FABP6: variants seen among roughly 807,000 people sequenced by gnomAD.
The protein encoded by FABP6 is gastrotropin.
In FABP6, 13 loss-of-function variants were observed where a neutral mutation model predicts 14.9. That is an observed-to-expected ratio of 0.87 (90% CI 0.57 to 1.39). The LOEUF (loss-of-function observed/expected upper bound fraction) is 1.39, where lower values mean the gene tolerates loss of function less well. FABP6 is among the 40% of genes most tolerant of loss of function. FABP6 has a pLI of 0.00. For missense variants in FABP6, 161 were observed against 167.2 expected (o/e 0.96, Z 0.20); for synonymous variants, 75 against 63.6 (o/e 1.18, Z -0.85).
intron 1 of FABP6, among the ~76,000 whole-genome samples, chr5:160,193,912 GGC>G (rs2113057628): frequency 7.4e-6 from 1 of 135,402 alleles, no homozygotes; most frequent in South Asian, 2.2e-4. Context: ...TCAGCCCTTG[GGC>G]GGTCGATGGG....
At chr5:160,208,129 G>A (rs1221380720) in intron 2 of FABP6, among the ~76,000 whole-genome samples, 1 of 152,082 alleles carries the variant, frequency 6.6e-6, no homozygotes, top group Non-Finnish European at 1.5e-5. Flanking sequence ...ATCATCAGAA[G>A]AAAATGATTT....
At chr5:160,215,990 T>G (rs1760005141) in intron 3 of FABP6, among the ~76,000 whole-genome samples, 1 of 152,066 alleles carries the variant, frequency 6.6e-6, no homozygotes, top group Admixed American at 6.6e-5. Context: ...TGCTTTCTTG[T>G]GTGTAAGGAT....
In FABP6 at chr5:160,212,026, C is replaced by A. The variant is rs181406927; in HGVS notation, c.52-1710C>A. The stretch of plus-strand genomic sequence containing the variant: ...TTTTGAGATGCAGTCTCCCTCTTAT[C>A]GCCCAGGCTGTAGTGCAATGGTGTG... On this transcript the variant is annotated intron_variant, in intron 2 of 6. Coordinates refer to the FABP6 transcript ENST00000393980. Among the ~76,000 whole-genome samples, 538 of 144,396 alleles carry A rather than the reference C, an allele frequency of 3.7e-3. 16 individuals are homozygous for A. Among genetic ancestry groups the A allele is most frequent in the Non-Finnish European group, 8.8e-4 (59 of 66,834 alleles). The allele number at this position is 144,396 out of a possible 152,430, so 94.7% of individuals were successfully genotyped here. A position where few individuals can be genotyped will look rare whatever the true frequency, so the allele number is the denominator to read the frequency against.
intron 2 of FABP6, among the ~76,000 whole-genome samples, chr5:160,203,629 C>CT (rs1759694285): frequency 1.3e-5 from 2 of 152,068 alleles, no homozygotes; most frequent in African/African-American, 4.8e-5. Context: ...ACCCAAGTAG[C>CT]TGGGATTATG....
chr5:160,227,702 A>G (rs142591089), upstream of FABP6, among the ~76,000 whole-genome samples: 304 of 151,872 alleles, frequency 2.0e-3, 1 homozygote, highest in African/African-American at 7.1e-3. Flanking sequence ...AAGAAAAGGA[A>G]AGAAAAAGCC....
chr5:160,213,763 A>C (rs764556230), exon 3 of FABP6: 1 of 1,613,960 alleles, frequency 6.2e-7, no homozygotes, highest in African/African-American at 1.3e-5. Flanking sequence ...GTCTGCGTGC[A>C]CATGGGTGAG....
intron 2 of FABP6, among the ~76,000 whole-genome samples, chr5:160,209,020 C>T (rs1233314947): frequency 6.6e-6 from 1 of 151,400 alleles, no homozygotes; most frequent in Admixed American, 6.6e-5. Flanking sequence ...TTGTGATTTG[C>T]CTGCCTCGGC....
At chr5:160,190,806 T>C (rs1054697479) in intron 1 of FABP6, among the ~76,000 whole-genome samples, 3 of 152,156 alleles carry the variant, frequency 2.0e-5, no homozygotes, top group African/African-American at 4.8e-5. Flanking sequence ...TGGAAGTTAT[T>C]GTGATCTTTT....
At chr5:160,226,391 C>A (rs937847428), upstream of FABP6, among the ~76,000 whole-genome samples, 2 of 151,410 alleles carry the variant, frequency 1.3e-5, no homozygotes, top group Admixed American at 1.3e-4. Flanking sequence ...AAAACCCCGT[C>A]TCTACTAAAG....
intron 2 of FABP6, among the ~76,000 whole-genome samples, chr5:160,232,621 G>T (rs1760416490): frequency 6.6e-6 from 1 of 152,152 alleles, no homozygotes; most frequent in African/African-American, 2.4e-5. Flanking sequence ...TGCTGGCCAG[G>T]CACAGTGGCT....
chr5:160,235,277 G>T (rs753671884), intron 3 of FABP6, among the ~76,000 whole-genome samples: 3 of 152,162 alleles, frequency 2.0e-5, no homozygotes, highest in Non-Finnish European at 2.9e-5. Context: ...GGTGGTCCAG[G>T]TGGGCTCCTC....
chr5:160,226,452 T>A (rs945279613), upstream of FABP6, among the ~76,000 whole-genome samples: 1 of 150,452 alleles, frequency 6.6e-6, no homozygotes. Context: ...TCCCAGCTAC[T>A]CAGGAGGCTG....
Position 160,202,494 on chromosome 5 carries a change from T to C in FABP6, c.51+3337T>C, listed in dbSNP as rs201483068. On this transcript the variant is annotated intron_variant, in intron 2 of 6. Transcript: ENST00000393980. ...AAAAGCAAAATGTCAACAAATTGAG[T>C]TTCAAAAATTTAACTGGCTTGGCCG... Among the ~76,000 whole-genome samples the C allele has an allele frequency of 4.6e-5, 7 of 151,936 alleles. No individual in the cohort carries two copies. In the East Asian group the frequency reaches 1.4e-3, roughly 29 times the overall value.
chr5:160,232,887 A>T (rs1334749494), intron 2 of FABP6, among the ~76,000 whole-genome samples: 1 of 151,532 alleles, frequency 6.6e-6, no homozygotes, highest in Non-Finnish European at 1.5e-5. Context: ...ACAGAGTGAG[A>T]GTCCATCACA....
intron 3 of FABP6, among the ~76,000 whole-genome samples, chr5:160,219,972 A>G (rs72643447): frequency 0.06 from 9,068 of 152,240 alleles, 542 homozygotes; most frequent in East Asian, 0.36. Flanking sequence ...CTTACAGCCT[A>G]TTCCACATAG....
At chr5:160,212,037 T>C (rs1759903486) in intron 2 of FABP6, among the ~76,000 whole-genome samples, 1 of 149,884 alleles carries the variant, frequency 6.7e-6, no homozygotes, top group South Asian at 2.1e-4. Flanking sequence ...GCCCAGGCTG[T>C]AGTGCAATGG....
chr5:160,198,821 A>C, intron 1 of FABP6: 1 of 435,120 alleles, frequency 2.3e-6, no homozygotes, highest in Admixed American at 3.8e-5. Context: ...TCTGAAAACG[A>C]CCTCTTCAAA....
At chr5:160,219,510 A>T (rs918478) in intron 3 of FABP6, among the ~76,000 whole-genome samples, 5 of 152,090 alleles carry the variant, frequency 3.3e-5, no homozygotes, top group Non-Finnish European at 5.9e-5. Flanking sequence ...CCAGGAGAAG[A>T]GGGGAAGAGG....
chr5:160,208,797 T>G (rs890313772), intron 2 of FABP6, among the ~76,000 whole-genome samples: 1 of 141,164 alleles, frequency 7.1e-6, no homozygotes, highest in Non-Finnish European at 1.5e-5. Context: ...TTTTTTTTTG[T>G]AGGGAGTCTC....
Sources: gnomAD v4.1 joint callset for allele counts (sites outside exome capture counted in the v4.1 genomes callset) on GRCh38, gnomAD v4.1.1 for gene constraint, MANE v1.5 for transcripts, NCBI Gene and HGNC (gene_info 2026-07-23, HGNC 2026-07-21) for gene names.